Variants in LMF1 observed in about 807,000 individuals in gnomAD.
LMF1 encodes transmembrane protein 112.
LMF1 carries 68 observed loss-of-function variants against 60.6 expected under a neutral mutation model. That is an observed-to-expected ratio of 1.12 (90% CI 0.92 to 1.37). The LOEUF is 1.37. LMF1 is among the 40% of genes most tolerant of loss of function. The pLI, the probability that LMF1 is intolerant of heterozygous loss-of-function variation, is 0.00. For synonymous variants in LMF1, 418 were observed against 324.7 expected, an observed-to-expected ratio of 1.29 and a Z score of -3.09; for missense variants, 948 against 767.2, an observed-to-expected ratio of 1.24 and a Z score of -2.78.
At chr16:871,040 T>C (rs780067645) in intron 7 of LMF1, 121 bp downstream of exon 7, 12 of 1,398,286 alleles carry the variant, frequency 8.6e-6, no homozygotes, top group African/African-American at 1.4e-5. Context: ...CACGCTACAC[T>C]GCGGACGGCG....
At chr16:915,010 C>T (rs2071240510) in intron 3 of LMF1, among the ~76,000 whole-genome samples, 1 of 152,266 alleles carries the variant, frequency 6.6e-6, no homozygotes, top group African/African-American at 2.4e-5. Flanking sequence ...CTGCTGCCTG[C>T]TCGGCTGGCC....
chr16:914,487 C>T (rs547441016), intron 3 of LMF1, among the ~76,000 whole-genome samples: 1 of 103,608 alleles, frequency 9.7e-6, no homozygotes, highest in Admixed American at 1.1e-4. Context: ...AGTGCAAAAC[C>T]AGACACGCTC....
chr16:871,344 G>A lies in LMF1; in HGVS notation c.898-3C>T. On this transcript the variant is annotated splice_region_variant and splice_polypyrimidine_tract_variant and intron_variant, in intron 6 of 10. Coordinates refer to ENST00000262301, the MANE Select transcript of LMF1 (RefSeq NM_022773.4). ...TTCCCGCTGACGATGAGGACGGCCT[G>A]TGGAGACGCCGCAGCTGAGTCTCGT... 6.2e-7 allele frequency: 1 copy of A among 1,611,734 alleles called. No individual in the cohort carries two copies. The highest frequency in any genetic ancestry group is 1.1e-5 in the South Asian group (1 of 90,970).
At chr16:888,439 A>G (rs1249752115) in intron 5 of LMF1, among the ~76,000 whole-genome samples, 1 of 152,122 alleles carries the variant, frequency 6.6e-6, no homozygotes, top group Non-Finnish European at 1.5e-5. Flanking sequence ...TCTGCATCAA[A>G]ACCATCTGTG....
At chr16:967,406 T>C (rs2072947272) in intron 1 of LMF1, among the ~76,000 whole-genome samples, 1 of 152,208 alleles carries the variant, frequency 6.6e-6, no homozygotes, top group Non-Finnish European at 1.5e-5. Context: ...TCTGTTCCGG[T>C]GAGCCTGGGC....
chr16:855,802 G>A (rs1408051586), intron 10 of LMF1: 5 of 455,896 alleles, frequency 1.1e-5, no homozygotes, highest in Non-Finnish European at 2.2e-5. Context: ...CGACTGTCTG[G>A]GCTGCTGTCA....
In LMF1 at chr16:854,312, G is replaced by A. The variant is rs1022472867; in HGVS notation, c.*220C>T. On this transcript the variant is annotated 3_prime_UTR_variant, in exon 11 of 11. Transcript: ENST00000262301. ...TCAGAGCCCCTGGCGCCTGGGACAA[G>A]GGTTGGCCTGGATGTGGGGCCCCAG... 2.6e-5 allele frequency: 18 copies of A among 692,754 alleles called. No individual in the cohort carries two copies. Among genetic ancestry groups the A allele is most frequent in the Middle Eastern group, 3.7e-4 (1 of 2,728 alleles). 42.9% of individuals were successfully genotyped at this position (692,754 alleles called of 1,614,324 possible).
chr16:896,171 CCACACGCAGG>C lies in LMF1; in HGVS notation c.664-3109_664-3100del, dbSNP rs1419158256. Among the ~76,000 whole-genome samples the C allele has an allele frequency of 1.8e-4, 14 of 76,464 alleles. 1 individual carries two copies. The highest frequency in any genetic ancestry group is 1.3e-3 in the African/African-American group (13 of 10,024). The allele number at this position is 76,464 out of a possible 152,430, so 50.2% of individuals were successfully genotyped here. ...CGGAGGGGTTGTGAGGCTCAGCCACCCACACGCAGGCTGCACGGTCCACAGACACGCCTTG... is the reference window on the plus strand; with the variant it reads ...CGGAGGGGTTGTGAGGCTCAGCCACCCTGCACGGTCCACAGACACGCCTTG... On this transcript the variant is annotated intron_variant, in intron 4 of 10. Coordinates refer to ENST00000262301, the MANE Select transcript of LMF1 (RefSeq NM_022773.4).
intron 4 of LMF1, among the ~76,000 whole-genome samples, chr16:893,651 G>A (rs1231373663): frequency 6.6e-6 from 1 of 152,108 alleles, no homozygotes; most frequent in African/African-American, 2.4e-5. Context: ...TGGGGAAGGT[G>A]GGACTTGGGC....
chr16:897,487 T>A lies in LMF1; in HGVS notation c.664-4415A>T, dbSNP rs1012957696. 6.6e-5 allele frequency among the ~76,000 whole-genome samples: 10 copies of A among 152,174 alleles called. No homozygotes were observed. Among genetic ancestry groups the A allele is most frequent in the Middle Eastern group, 3.2e-3 (1 of 316 alleles). The stretch of plus-strand genomic sequence containing the variant: ...GTCCCCTCGCCTGTATCAGTGGCCC[T>A]TCCTCCCCACCTGTAAACACAGGGA... On this transcript the variant is annotated intron_variant, in intron 4 of 10. Transcript: ENST00000262301. This position sits in a 1 kb window ranked among gnomAD's most constrained non-coding sequence, Gnocchi z 4.3.
intron 10 of LMF1, among the ~76,000 whole-genome samples, chr16:858,863 G>C (rs2069311572): frequency 1.9e-5 from 2 of 106,868 alleles, no homozygotes; most frequent in South Asian, 3.9e-4. Context: ...TCACGGGACG[G>C]GTGTGAGTGG....
chr16:947,354 G>A (rs898160435), intron 2 of LMF1: 3 of 402,174 alleles, frequency 7.5e-6, no homozygotes, highest in Admixed American at 2.7e-5. Flanking sequence ...CTACGCAGAG[G>A]CAGGTGGTGG....
intron 3 of LMF1, among the ~76,000 whole-genome samples, chr16:915,138 A>G (rs1003598552): frequency 1.3e-5 from 2 of 152,174 alleles, no homozygotes; most frequent in African/African-American, 2.4e-5. Context: ...AAAAACAGCT[A>G]AAGAAAAACT....
rs1212802267 is a variant in LMF1, at chr16:978,005, C to CCA, written c.-135+3138_-135+3139dup. On this transcript the variant is annotated intron_variant, in intron 1 of 6. Coordinates refer to the LMF1 transcript ENST00000570014. The stretch of plus-strand genomic sequence containing the variant: ...ACACACATACACGCACACACACACA[C>CCA]CACACACACACATCATACACACGCA... Among the ~76,000 whole-genome samples, 25 of 138,050 alleles carry CCA rather than the reference C, an allele frequency of 1.8e-4. 2 individuals are homozygous for CCA. In the South Asian group the frequency reaches 5.7e-3, roughly 32 times the overall value. The allele number at this position is 138,050 out of a possible 152,430, so 90.6% of individuals were successfully genotyped here.
intron 4 of LMF1, chr16:902,544 G>A (rs565416151): frequency 6.1e-6 from 1 of 162,752 alleles, no homozygotes; most frequent in African/African-American, 2.4e-5. Flanking sequence ...CTCAACCCAG[G>A]GAAGGCCGAG....
intron 4 of LMF1, chr16:898,904 G>GGCGT (rs1472838309): frequency 2.0e-5 from 3 of 152,098 alleles, no homozygotes; most frequent in African/African-American, 7.2e-5. Flanking sequence ...AGAAACCTTC[G>GGCGT]GCGTGAACCC....
chr16:869,919 G>C lies in LMF1; in HGVS notation c.1380C>G (p.Tyr460Ter), dbSNP rs754698878. 1 of 1,613,084 alleles carries C rather than the reference G, an allele frequency of 6.2e-7. No homozygotes were observed. The highest frequency in any genetic ancestry group is 8.5e-7 in the Non-Finnish European group (1 of 1,179,854). ...CGAACCACATCAGCCAGTCCAGGCGGTAGTGGTACGGGGAGATGAGGCAGG... is the reference window on the plus strand; with the variant it reads ...CGAACCACATCAGCCAGTCCAGGCGCTAGTGGTACGGGGAGATGAGGCAGG... Reference protein sequence around the residue: ...RRPCLISPYHYRLDWLMWFAA... With the variant: ...RRPCLISPYH The change falls in exon 9 of 11, where the codon TAC becomes TAG. Residue 460 changes from tyrosine to a stop codon, truncating the protein, a stop_gained. Transcript: ENST00000262301. LOFTEE classifies it high-confidence loss of function.
Position 859,058 on chromosome 16 carries a change from G to GC in LMF1, c.1530-4353_1530-4352insG, listed in dbSNP as rs1410141835. ...GTGAGTGATGTCACGGGACGGGTGT[G>GC]AGTGGTGTCACGGGACGGGTGTGAG... On this transcript the variant is annotated intron_variant, in intron 10 of 10. Transcript: ENST00000262301. 4.4e-5 allele frequency among the ~76,000 whole-genome samples: 4 copies of GC among 90,984 alleles called. 1 individual carries two copies. The highest frequency in any genetic ancestry group is 6.3e-5 in the Non-Finnish European group (3 of 47,510). The allele number at this position is 90,984 out of a possible 152,430, so 59.7% of individuals were successfully genotyped here.
At chr16:854,776 C>A (rs1268994649) in intron 10 of LMF1, 70 bp from the exon 11 acceptor site, 4 of 1,364,228 alleles carry the variant, frequency 2.9e-6, no homozygotes, top group Admixed American at 2.0e-5. Flanking sequence ...CCTCAGCCTG[C>A]TGCTGAGCTG....
Sources: gnomAD v4.1 joint callset for allele counts (sites outside exome capture counted in the v4.1 genomes callset) on GRCh38, gnomAD v4.1.1 for gene constraint, Gnocchi (gnomAD v3.1) non-coding constraint, MANE v1.5 for transcripts, NCBI Gene and HGNC (gene_info 2026-07-23, HGNC 2026-07-21) for gene names.